Variants in CNBD2 observed in about 807,000 individuals in gnomAD.
CNBD2 encodes cyclic nucleotide binding domain containing 2, also known as cyclic nucleotide-binding domain-containing protein 2.
A neutral mutation model predicts 63.7 loss-of-function variants in CNBD2; 64 were observed. That is an observed-to-expected ratio of 1.00 (90% CI 0.82 to 1.24). CNBD2 has a LOEUF of 1.24. Ranked by LOEUF, CNBD2 falls within the 50% of genes most tolerant of loss-of-function variation. The pLI, the probability that CNBD2 is intolerant of heterozygous loss-of-function variation, is 0.00. For synonymous variants in CNBD2, 229 were observed against 255.4 expected (o/e 0.90, Z 0.99); for missense variants, 691 against 713.5 (o/e 0.97, Z 0.36).
chr20:35,955,325 A>G (rs2056243495), exon 1 of CNBD2: 1 of 152,216 alleles, frequency 6.6e-6, no homozygotes. Context: ...TTGGAATATA[A>G]TGTTTTGCAT....
At position 36,030,410 on chromosome 20, in the gene CNBD2, G is replaced by A. The variant is rs777609453; in HGVS notation, c.1493G>A (p.Arg498Gln). ...CAGCAGAACAGCTGGAATATCTTTC[G>A]GAAGGACCTGTTGCAGCTGCTCGTG... ...FLQQNSWNIF[R>Q]KDLLQLLVEP... The change falls in exon 12 of 12, where the codon CGG becomes CAG. Residue 498 changes from arginine (R) to glutamine (Q), a missense_variant. By Grantham distance (43) the Arg-to-Gln change is conservative. Transcript: ENST00000373973. The A allele has an allele frequency of 1.4e-5, 23 of 1,614,014 alleles. No individual in the cohort carries two copies. The highest frequency in any genetic ancestry group is 5.3e-5 in the African/African-American group (4 of 74,902).
rs112687864 is a variant in CNBD2 at position 35,986,075 on chromosome 20, A to T, written c.716+1297A>T. Among the ~76,000 whole-genome samples the T allele has an allele frequency of 2.9e-3, 441 of 152,362 alleles. 4 individuals carry two copies. Among genetic ancestry groups the T allele is most frequent in the African/African-American group, 0.01 (436 of 41,580 alleles). ...CATAGCAAAAGATTTTTGGTTTTTG[A>T]ATACTTATGTGCATGAAAGGCCACG... On this transcript the variant is annotated intron_variant, in intron 6 of 11. Transcript: ENST00000373973.
downstream of CNBD2, among the ~76,000 whole-genome samples, chr20:35,956,866 A>G (rs1056129317): frequency 3.3e-5 from 5 of 152,230 alleles, no homozygotes; most frequent in Non-Finnish European, 5.9e-5. Flanking sequence ...CTGCCTGTAC[A>G]AAGGCACATA....
rs1338426498 is a variant in CNBD2 at position 35,996,370 on chromosome 20, G to A, written c.970+1218G>A. ...CACATCCTAGGCTGTGAATGTATGCGCACTCTCCACAGCCTTATCCCAACT... is the reference window on the plus strand; with the variant it reads ...CACATCCTAGGCTGTGAATGTATGCACACTCTCCACAGCCTTATCCCAACT... On this transcript the variant is annotated intron_variant, in intron 8 of 11. Transcript: ENST00000373973. Among the ~76,000 whole-genome samples, 4 of 148,412 alleles carry A rather than the reference G, an allele frequency of 2.7e-5. No individual in the cohort carries two copies. The South Asian group carries it at 6.7e-4, about 25-fold the overall frequency.
chr20:35,970,749 T>C (rs1273047969), intron 1 of CNBD2, among the ~76,000 whole-genome samples: 2 of 152,146 alleles, frequency 1.3e-5, no homozygotes, highest in Non-Finnish European at 2.9e-5. Context: ...AGGGTCTTGC[T>C]CTGTTACCCA....
In CNBD2 at chr20:35,968,686, G is replaced by A; in HGVS notation, c.-77G>A. ...AATCTATTTGTTTCTAGTATTACTG[G>A]ATTTTTGGGGAAAAATTTGTAGTCC... is the stretch of plus-strand genomic sequence containing the variant. On this transcript the variant is annotated 5_prime_UTR_variant, in exon 1 of 12. Coordinates refer to ENST00000373973, the MANE Select transcript of CNBD2 (RefSeq NM_001365709.1). The A allele has an allele frequency of 8.6e-7, 1 of 1,161,374 alleles. No homozygotes were observed. The highest frequency in any genetic ancestry group is 1.3e-6 in the Non-Finnish European group (1 of 793,258). 71.9% of individuals were successfully genotyped at this position (1,161,374 alleles called of 1,614,324 possible).
At chr20:36,007,214 A>G (rs1031421204) in intron 8 of CNBD2, among the ~76,000 whole-genome samples, 2 of 152,064 alleles carry the variant, frequency 1.3e-5, no homozygotes, top group Non-Finnish European at 2.9e-5. Context: ...ATAAATAAAT[A>G]AATAAGATCA....
chr20:35,973,470 G>C (rs2056452374), intron 2 of CNBD2: 1 of 152,398 alleles, frequency 6.6e-6, no homozygotes, highest in Admixed American at 6.5e-5. Flanking sequence ...GAGTGCAGTG[G>C]CGCGTCTTGG....
chr20:36,010,180 A>G (rs1235354855), intron 9 of CNBD2, among the ~76,000 whole-genome samples: 2 of 152,158 alleles, frequency 1.3e-5, no homozygotes, highest in African/African-American at 2.4e-5. Flanking sequence ...CCAGAGCAGC[A>G]CAGCCCCCTC....
intron 1 of CNBD2, among the ~76,000 whole-genome samples, chr20:35,971,663 G>A (rs189081352): frequency 2.6e-5 from 4 of 152,070 alleles, no homozygotes; most frequent in Non-Finnish European, 4.4e-5. Flanking sequence ...TGATTCACCC[G>A]CCTTGGCCTC....
rs142888176 is a variant in CNBD2 at position 35,984,781 on chromosome 20, A to G, written c.716+3A>G. ...CAGTATCGGTTTGAATTTTTTAGGT[A>G]ACTCTGCCTTCATTCAACATTTTTT... On this transcript the variant is annotated splice_donor_region_variant and intron_variant, in intron 6 of 11. Transcript: ENST00000373973. The G allele has an allele frequency of 3.7e-3, 5,946 of 1,613,974 alleles. 38 individuals carry two copies. Among genetic ancestry groups the G allele is most frequent in the South Asian group, 0.018 (1,656 of 91,066 alleles).
intron 10 of CNBD2, among the ~76,000 whole-genome samples, chr20:36,017,005 GC>G (rs199516832): frequency 1.3e-5 from 2 of 150,318 alleles, no homozygotes; most frequent in East Asian, 3.9e-4. Flanking sequence ...GCTGCAGTGA[GC>G]CATGATTGTG....
intron 11 of CNBD2, among the ~76,000 whole-genome samples, chr20:36,024,531 A>C (rs1419946934): frequency 1.3e-5 from 2 of 152,032 alleles, no homozygotes; most frequent in African/African-American, 4.8e-5. Context: ...CGGGAGGCTG[A>C]TACAGGAGAA....
chr20:35,967,381 C>T (rs538402524), upstream of CNBD2, among the ~76,000 whole-genome samples: 14 of 150,832 alleles, frequency 9.3e-5, no homozygotes, highest in East Asian at 2.7e-3. Context: ...TCCCGAGTAG[C>T]TGGGATTATA....
intron 11 of CNBD2, 122 bp downstream of exon 11, chr20:36,023,893 G>C: frequency 1.2e-6 from 1 of 810,400 alleles, no homozygotes; most frequent in Non-Finnish European, 1.9e-6. Context: ...GAAACTGGGA[G>C]TTGTTGGTAC....
intron 8 of CNBD2, among the ~76,000 whole-genome samples, chr20:36,000,794 C>A (rs558807974): frequency 8.8e-6 from 1 of 114,054 alleles, no homozygotes; most frequent in African/African-American, 3.6e-5. Flanking sequence ...GGGTGTTTCT[C>A]GCAGAGGGGG....
intron 8 of CNBD2, among the ~76,000 whole-genome samples, chr20:36,002,872 A>C (rs956240720): frequency 2.0e-5 from 3 of 152,160 alleles, no homozygotes; most frequent in Non-Finnish European, 4.4e-5. Flanking sequence ...TGAGAACTCC[A>C]ATTACATGTA....
At chr20:35,967,896 A>C (rs574078108), upstream of CNBD2, among the ~76,000 whole-genome samples, 19 of 152,302 alleles carry the variant, frequency 1.2e-4, no homozygotes, top group African/African-American at 4.6e-4. Context: ...TGAGCCCCCA[A>C]ATTGAGACTT....
chr20:35,996,728 G>A (rs149123674), intron 8 of CNBD2, among the ~76,000 whole-genome samples: 362 of 152,102 alleles, frequency 2.4e-3, no homozygotes, highest in African/African-American at 8.3e-3. Context: ...GGCTGGTCTC[G>A]AACTCCTGAC....
Sources: gnomAD v4.1 joint callset for allele counts (sites outside exome capture counted in the v4.1 genomes callset) on GRCh38, gnomAD v4.1.1 for gene constraint, MANE v1.5 for transcripts, NCBI Gene and HGNC (gene_info 2026-07-23, HGNC 2026-07-21) for gene names.